Variants in PNLIPRP1 observed in about 807,000 individuals in gnomAD.
The protein encoded by PNLIPRP1 is inactive pancreatic lipase-related protein 1.
Under a neutral mutation model 54.6 loss-of-function variants are expected in PNLIPRP1, and 57 were observed. That is an observed-to-expected ratio of 1.04 (90% CI 0.84 to 1.30). The LOEUF (loss-of-function observed/expected upper bound fraction) is 1.30, where lower values mean the gene tolerates loss of function less well. Ranked by LOEUF, PNLIPRP1 falls within the 50% of genes most tolerant of loss-of-function variation. PNLIPRP1 has a pLI of 0.00. For synonymous variants in PNLIPRP1, 232 were observed against 208.8 expected (o/e 1.11, Z -0.96); for missense variants, 567 against 568.5 (o/e 1.00, Z 0.03).
chr10:116,598,241 T>C (rs2133233584), intron 8 of PNLIPRP1, 75 bp downstream of exon 8: 1 of 1,348,948 alleles, frequency 7.4e-7, no homozygotes. Flanking sequence ...GCAGCAAATC[T>C]TAAGAATAAA....
At chr10:116,594,187 C>T in intron 4 of PNLIPRP1, 1 of 370,498 alleles carries the variant, frequency 2.7e-6, no homozygotes, top group South Asian at 2.1e-5. Context: ...AGACATTTTC[C>T]TTCCAGAATT....
Position 116,598,164 on chromosome 10 carries a change from C to T in PNLIPRP1, c.812C>T (p.Ala271Val), listed in dbSNP as rs2305205. The T allele has an allele frequency of 2.0e-3, 3,289 of 1,612,580 alleles. 86 individuals carry two copies. The East Asian group carries it at 0.064, about 31-fold the overall frequency. ...SQIVDLDGIW[A>V]GTRDFVACNH... ...ATCGTGGATCTAGATGGCATCTGGG[C>T]GGGTAAAGTCATGGTGGGGTGAGGG... is the stretch of plus-strand genomic sequence containing the variant. Residue 271 changes from alanine to valine, a missense_variant and splice_region_variant, in exon 8 of 13, where the codon GCG becomes GTG. Coordinates refer to ENST00000358834, the MANE Select transcript of PNLIPRP1 (RefSeq NM_006229.4).
At chr10:116,603,846 T>C (rs1234052797) in intron 10 of PNLIPRP1, among the ~76,000 whole-genome samples, 184 bp from the exon 11 acceptor site, 1 of 152,124 alleles carries the variant, frequency 6.6e-6, no homozygotes, top group African/African-American at 2.4e-5. Context: ...TGAGCCAAGA[T>C]TGCACCACTA....
chr10:116,591,254 T>A, intron 2 of PNLIPRP1, 76 bp downstream of exon 2: 4 of 1,166,854 alleles, frequency 3.4e-6, no homozygotes, highest in Non-Finnish European at 5.1e-6. Context: ...AAGCTTTAAC[T>A]GTGGCAGGGC....
chr10:116,599,045 A>G (rs1275544836), intron 8 of PNLIPRP1, among the ~76,000 whole-genome samples: 1 of 152,128 alleles, frequency 6.6e-6, no homozygotes, highest in Non-Finnish European at 1.5e-5. Flanking sequence ...ACTTGAGGTC[A>G]GGAGTTTGAG....
chr10:116,605,423 T>C lies in PNLIPRP1; in HGVS notation c.1210T>C (p.Phe404Leu). The C allele has an allele frequency of 6.2e-7, 1 of 1,610,680 alleles. No homozygotes were observed. The highest frequency in any genetic ancestry group is 8.5e-7 in the Non-Finnish European group (1 of 1,177,422). Residue 404 changes from phenylalanine (F) to leucine (L), a missense_variant, in exon 12 of 13, where the codon TTT (phenylalanine) becomes CTT (leucine). By Grantham distance (22) the Phe-to-Leu change is conservative. Transcript: ENST00000358834. ...ACCAGGCTCAACCCATTCCTATGAG[T>C]TTGATGCAAAGCTGGATGTTGGAAC... ...LKPGSTHSYE[F>L]DAKLDVGTIE... is the part of the protein sequence containing the mutation.
At chr10:116,607,483 G>C (rs548454759) in intron 12 of PNLIPRP1, among the ~76,000 whole-genome samples, 3 of 152,282 alleles carry the variant, frequency 2.0e-5, no homozygotes. Context: ...TGTGATGGAA[G>C]GAAGGGCAGC....
At chr10:116,597,989 G>A in intron 7 of PNLIPRP1, 42 bp downstream of exon 7, 1 of 1,614,090 alleles carries the variant, frequency 6.2e-7, no homozygotes, top group Non-Finnish European at 8.5e-7. Context: ...GCACAACTGT[G>A]TTTTAACCAT....
chr10:116,598,146 A>C lies in PNLIPRP1; in HGVS notation c.794A>C (p.Asp265Ala). The C allele has an allele frequency of 6.2e-7, 1 of 1,614,020 alleles. No homozygotes were observed. Among genetic ancestry groups the C allele is most frequent in the Admixed American group, 1.7e-5 (1 of 60,010 alleles). Residue 265 changes from aspartate to alanine, a missense_variant, in exon 8 of 13, where the codon GAT (aspartate) becomes GCT (alanine). Coordinates refer to ENST00000358834, the MANE Select transcript of PNLIPRP1 (RefSeq NM_006229.4). Reference sequence around the variant, plus strand: ...AAGAATGCCCTGTCTCAGATCGTGGATCTAGATGGCATCTGGGCGGGTAAA... The same window carrying C: ...AAGAATGCCCTGTCTCAGATCGTGGCTCTAGATGGCATCTGGGCGGGTAAA... ...CKKNALSQIV[D>A]LDGIWAGTRD... is the part of the protein sequence containing the mutation.
intron 6 of PNLIPRP1, 44 bp from the exon 7 acceptor site, chr10:116,597,784 T>C (rs782027996): frequency 1.1e-5 from 17 of 1,612,962 alleles, no homozygotes; most frequent in Non-Finnish European, 1.4e-5. Flanking sequence ...TGCTGACATC[T>C]ACAGTCAGGT....
chr10:116,591,310 C>G (rs782425805), intron 2 of PNLIPRP1, 132 bp downstream of exon 2: 23 of 688,338 alleles, frequency 3.3e-5, no homozygotes, highest in East Asian at 5.4e-5. Context: ...GGCTGACACT[C>G]TGCCTGGGAG....
intron 12 of PNLIPRP1, 53 bp from the exon 13 acceptor site, chr10:116,609,000 C>A: frequency 7.5e-7 from 1 of 1,339,454 alleles, no homozygotes; most frequent in Non-Finnish European, 1.1e-6. Flanking sequence ...AACAAAACAC[C>A]TGGCTTTTGC....
intron 5 of PNLIPRP1, chr10:116,595,490 G>A (rs1343665050): frequency 2.0e-5 from 3 of 153,268 alleles, no homozygotes; most frequent in Admixed American, 1.3e-4. Context: ...TATAGTTAAA[G>A]GGTCTACAAA....
intron 4 of PNLIPRP1, chr10:116,592,937 G>A: frequency 2.9e-6 from 1 of 344,756 alleles, no homozygotes; most frequent in East Asian, 7.8e-5. Flanking sequence ...GGAGGCCAAG[G>A]TGGATGGATC....
At chr10:116,602,396 C>A (rs1379578631) in intron 10 of PNLIPRP1, among the ~76,000 whole-genome samples, 1 of 152,160 alleles carries the variant, frequency 6.6e-6, no homozygotes, top group African/African-American at 2.4e-5. Context: ...GAAATACTTG[C>A]CAATATTTCA....
In PNLIPRP1 at chr10:116,591,185, A is replaced by AACAC. The variant is rs781884682; in HGVS notation, c.49+8_49+11dup. 9 of 1,610,760 alleles carry AACAC rather than the reference A, an allele frequency of 5.6e-6. No individual in the cohort carries two copies. The Admixed American group carries it at 1.3e-4, about 24-fold the overall frequency. On this transcript the variant is annotated splice_region_variant and intron_variant, in intron 2 of 12. Coordinates refer to ENST00000358834, the MANE Select transcript of PNLIPRP1 (RefSeq NM_006229.4). ...CTGCTGGGAGCAGCCAAAGGTAAGA[A>AACAC]ACACCACTCCTGCCCCGTAGGAAGG...
rs782484955 is a variant in PNLIPRP1, at chr10:116,597,843, A to T, written c.590A>T (p.Glu197Val). 6.2e-7 allele frequency: 1 copy of T among 1,614,162 alleles called. No homozygotes were observed. Among genetic ancestry groups the T allele is most frequent in the South Asian group, 1.1e-5 (1 of 91,078 alleles). ...LSRITGLDPVEASFESTPEEV... is the reference protein window; with the variant it reads ...LSRITGLDPVVASFESTPEEV... ...TCTCTTTTAGGGTTGGATCCTGTAG[A>T]AGCAAGTTTCGAGAGTACTCCTGAA... is the stretch of plus-strand genomic sequence containing the variant. Residue 197 changes from glutamate (E) to valine (V), a missense_variant, in exon 7 of 13, where the codon GAA (glutamate) becomes GTA (valine). Coordinates refer to ENST00000358834, the MANE Select transcript of PNLIPRP1 (RefSeq NM_006229.4).
chr10:116,606,136 A>G (rs1398106623), intron 12 of PNLIPRP1, among the ~76,000 whole-genome samples: 2 of 152,146 alleles, frequency 1.3e-5, no homozygotes, highest in Admixed American at 1.3e-4. Context: ...TCAGACCCCA[A>G]GTCTGGCTAG....
At chr10:116,604,216 A>G in intron 11 of PNLIPRP1, 78 bp downstream of exon 11, 2 of 748,182 alleles carry the variant, frequency 2.7e-6, no homozygotes, top group Non-Finnish European at 2.3e-6. Flanking sequence ...TTGAACACTT[A>G]TCATCTCTTT....
Sources: allele counts gnomAD v4.1 joint callset (sites outside exome capture counted in the v4.1 genomes callset), GRCh38; gene constraint gnomAD v4.1.1; transcripts MANE v1.5; gene names NCBI Gene and HGNC (gene_info 2026-07-23, HGNC 2026-07-21).